Variants in EYS observed in about 807,000 individuals in gnomAD.
EYS encodes the protein protein eyes shut homolog.
Under a neutral mutation model 282.1 loss-of-function variants are expected in EYS, and 250 were observed. The ratio of observed to expected loss-of-function variants is 0.89; its 90% CI spans 0.80 to 0.98. EYS has a LOEUF of 0.98. Among genes scored for constraint, EYS ranks in the 50% least tolerant of loss-of-function variants. The probability of loss-of-function intolerance (pLI) is 0.00; values close to 1 mark genes in which losing one functional copy is unlikely to be tolerated. For missense variants in EYS, 4,016 were observed against 3,709.0 expected (o/e 1.08, Z -2.15); for synonymous variants, 1,355 against 1,282.9 (o/e 1.06, Z -1.20).
chr6:64,923,975 A>G (rs548174548), intron 15 of EYS, among the ~76,000 whole-genome samples: 96 of 152,262 alleles, frequency 6.3e-4, no homozygotes, highest in African/African-American at 2.3e-3. Flanking sequence ...TCTGGAGGAT[A>G]GTGGCCCTCT....
intron 14 of EYS, among the ~76,000 whole-genome samples, chr6:64,973,117 C>G (rs761221610): frequency 3.9e-5 from 6 of 151,964 alleles, no homozygotes; most frequent in African/African-American, 7.2e-5. Context: ...ACCGAAAGGA[C>G]TAGAAATACT....
At position 65,197,091 on chromosome 6, in the gene EYS, T is replaced by C. The variant is rs144577025; in HGVS notation, c.2023+98772A>G. On this transcript the variant is annotated intron_variant, in intron 12 of 42. Transcript: ENST00000503581. Reference sequence around the variant, plus strand: ...GTAGCTTTGTGGAGAGTAACAACAGTAGATGCAGTTGTAGGCACTGTTAGA... The same window carrying C: ...GTAGCTTTGTGGAGAGTAACAACAGCAGATGCAGTTGTAGGCACTGTTAGA... 1.6e-4 allele frequency among the ~76,000 whole-genome samples: 25 copies of C among 152,200 alleles called. 1 individual carries two copies. Among genetic ancestry groups the C allele is most frequent in the African/African-American group, 6.0e-4 (25 of 41,544 alleles).
intron 22 of EYS, among the ~76,000 whole-genome samples, chr6:64,758,341 T>C (rs753865105): frequency 2.6e-5 from 4 of 152,140 alleles, no homozygotes; most frequent in Non-Finnish European, 5.9e-5. Context: ...AATGACAACA[T>C]CAAAATATAA....
chr6:64,019,649 T>C (rs1280842686), intron 33 of EYS, among the ~76,000 whole-genome samples: 1 of 151,888 alleles, frequency 6.6e-6, no homozygotes, highest in Admixed American at 6.6e-5. Flanking sequence ...GACCTTGTGA[T>C]CTGCCCGCCT....
chr6:64,949,642 A>G (rs965324823), intron 14 of EYS, among the ~76,000 whole-genome samples: 2 of 151,952 alleles, frequency 1.3e-5, no homozygotes, highest in Non-Finnish European at 2.9e-5. Flanking sequence ...CTTTCTACAT[A>G]TAATATAATC....
chr6:65,661,879 T>C (rs962274294), intron 1 of EYS, among the ~76,000 whole-genome samples: 1 of 152,092 alleles, frequency 6.6e-6, no homozygotes, highest in Non-Finnish European at 1.5e-5. Context: ...CTATAAAACT[T>C]TGAATTCCTA....
chr6:64,747,018 T>C (rs1003357363), intron 22 of EYS, among the ~76,000 whole-genome samples: 3 of 152,200 alleles, frequency 2.0e-5, no homozygotes, highest in African/African-American at 2.4e-5. Context: ...GCTTGGGGAA[T>C]ACAAATTTTC....
At chr6:64,564,189 C>T (rs1765487294) in intron 26 of EYS, among the ~76,000 whole-genome samples, 1 of 149,910 alleles carries the variant, frequency 6.7e-6, no homozygotes, top group Non-Finnish European at 1.5e-5. Context: ...GTCATAATGG[C>T]TGTACCAATT....
intron 2 of EYS, among the ~76,000 whole-genome samples, chr6:65,529,055 T>C (rs1464332494): frequency 6.6e-6 from 1 of 152,110 alleles, no homozygotes; most frequent in Non-Finnish European, 1.5e-5. Flanking sequence ...TTAAGTTCTC[T>C]AGAAGATCAA....
At chr6:64,985,427 G>A (rs1455191118) in intron 14 of EYS, among the ~76,000 whole-genome samples, 1 of 151,426 alleles carries the variant, frequency 6.6e-6, no homozygotes. Context: ...AGGGAGTAAT[G>A]CCTTATTTTA....
At chr6:64,352,184 A>G (rs1771666258) in intron 29 of EYS, among the ~76,000 whole-genome samples, 2 of 151,548 alleles carry the variant, frequency 1.3e-5, no homozygotes, top group Non-Finnish European at 3.0e-5. Context: ...AATGCACACT[A>G]AAATAAATAC....
chr6:63,901,287 A>G (rs1034453026), intron 35 of EYS, among the ~76,000 whole-genome samples: 11 of 152,246 alleles, frequency 7.2e-5, no homozygotes, highest in Non-Finnish European at 1.6e-4. Context: ...ATGTTAGAAG[A>G]AATAGTCAAT....
At chr6:64,620,368 T>A (rs551523972) in intron 23 of EYS, among the ~76,000 whole-genome samples, 2 of 152,276 alleles carry the variant, frequency 1.3e-5, no homozygotes, top group African/African-American at 4.8e-5. Context: ...AAGATCCACA[T>A]AGCTCCATGA....
chr6:64,984,433 A>T (rs7751091), intron 14 of EYS, among the ~76,000 whole-genome samples: 40,586 of 151,360 alleles, frequency 0.27, 6,842 homozygotes, highest in African/African-American at 0.47. Context: ...TTTTTAAAAA[A>T]TTTTAATTGT....
At chr6:64,051,133 G>A (rs1187331575) in intron 33 of EYS, among the ~76,000 whole-genome samples, 1 of 152,004 alleles carries the variant, frequency 6.6e-6, no homozygotes, top group Non-Finnish European at 1.5e-5. Flanking sequence ...GGAGTATTTT[G>A]TTTATAGAAA....
At chr6:63,841,611 T>A (rs1771961118) in intron 36 of EYS, among the ~76,000 whole-genome samples, 1 of 152,184 alleles carries the variant, frequency 6.6e-6, no homozygotes, top group Admixed American at 6.5e-5. Context: ...CACCTTTTAT[T>A]TTATTTTTTA....
At chr6:64,525,557 AAAT>A (rs932339964) in intron 26 of EYS, among the ~76,000 whole-genome samples, 2 of 151,704 alleles carry the variant, frequency 1.3e-5, no homozygotes, top group African/African-American at 4.8e-5. Context: ...GGATCAGAAA[AAAT>A]AATACTTGGT....
chr6:64,855,622 T>C (rs1766035552), intron 19 of EYS, among the ~76,000 whole-genome samples: 1 of 152,168 alleles, frequency 6.6e-6, no homozygotes, highest in Non-Finnish European at 1.5e-5. Context: ...GATCCAATAT[T>C]GATACATTAT....
chr6:63,794,609 C>A (rs1414446805), intron 37 of EYS, among the ~76,000 whole-genome samples: 1 of 152,204 alleles, frequency 6.6e-6, no homozygotes, highest in African/African-American at 2.4e-5. Context: ...ATTCAAACAA[C>A]CACCAATGCT....
Sources: gnomAD v4.1 joint callset for allele counts (sites outside exome capture counted in the v4.1 genomes callset) on GRCh38, gnomAD v4.1.1 for gene constraint, MANE v1.5 for transcripts, NCBI Gene and HGNC (gene_info 2026-07-23, HGNC 2026-07-21) for gene names.